BANP: variants seen among roughly 807,000 people sequenced by gnomAD.
The protein encoded by BANP is BTG3 associated nuclear protein.
A neutral mutation model predicts 68.1 loss-of-function variants in BANP; 11 were observed. The observed-to-expected ratio is 0.16, with a 90% CI of 0.10 to 0.27. The LOEUF (loss-of-function observed/expected upper bound fraction) is 0.27. Ranked by LOEUF, BANP falls within the 10% of genes least tolerant of loss-of-function variation. The pLI, the probability that BANP is intolerant of heterozygous loss-of-function variation, is 1.00. For missense variants in BANP, 504 were observed against 722.7 expected, an observed-to-expected ratio of 0.70 and a Z score of 3.47; for synonymous variants, 329 against 303.2, an observed-to-expected ratio of 1.09 and a Z score of -0.88.
At chr16:87,969,075 C>T (rs1307232141) in intron 1 of BANP, among the ~76,000 whole-genome samples, 1 of 152,216 alleles carries the variant, frequency 6.6e-6, no homozygotes, top group Non-Finnish European at 1.5e-5. Flanking sequence ...CTCGTCCACA[C>T]TGCCCTGCCC....
chr16:87,996,639 C>T (rs2067312611), intron 4 of BANP, among the ~76,000 whole-genome samples: 1 of 146,894 alleles, frequency 6.8e-6, no homozygotes, highest in South Asian at 2.2e-4. Context: ...GGCCCTCGTC[C>T]TGGGCGCCAG....
chr16:88,061,691 T>C (rs1214564884), intron 11 of BANP, among the ~76,000 whole-genome samples: 2 of 150,324 alleles, frequency 1.3e-5, no homozygotes, highest in Non-Finnish European at 3.0e-5. Flanking sequence ...TGAGACGGAG[T>C]TTTTGCTTTT....
intron 4 of BANP, among the ~76,000 whole-genome samples, chr16:87,987,884 G>C (rs1185023235): frequency 6.6e-6 from 1 of 151,782 alleles, no homozygotes; most frequent in Non-Finnish European, 1.5e-5. Flanking sequence ...TCCCACCTCA[G>C]CCTCCCGAGT....
chr16:87,954,739 G>C (rs2057709439), intron 1 of BANP, among the ~76,000 whole-genome samples: 1 of 152,250 alleles, frequency 6.6e-6, no homozygotes, highest in Non-Finnish European at 1.5e-5. Context: ...CCTCTGCCCT[G>C]ATCGGGTCCT....
In BANP at chr16:88,057,273, G is replaced by A. The variant is rs561952518; in HGVS notation, c.1312-7994G>A. ...GCTCACCCAGCGCGCCTGTTGCTTT[G>A]GGTGCCTCTGTGGGGAGCAGCTAAT... On this transcript the variant is annotated intron_variant, in intron 11 of 13. Transcript: ENST00000682872. The surrounding 1 kb of genome is among the most constrained non-coding windows in gnomAD (Gnocchi z 4.6). 9.2e-4 allele frequency among the ~76,000 whole-genome samples: 140 copies of A among 152,310 alleles called. 1 individual carries two copies. The highest frequency in any genetic ancestry group is 3.4e-3 in the Middle Eastern group (1 of 294).
chr16:87,951,353 G>C (rs1432858967), upstream of BANP: 2 of 151,862 alleles, frequency 1.3e-5, no homozygotes, highest in Non-Finnish European at 2.9e-5. Context: ...GGGGTGCCCC[G>C]CCCCCGGGCC....
intron 12 of BANP, among the ~76,000 whole-genome samples, chr16:88,066,531 A>T (rs1052973302): frequency 6.6e-6 from 1 of 152,220 alleles, no homozygotes; most frequent in Non-Finnish European, 1.5e-5. Context: ...CCCAAAAACA[A>T]GTGCCTCCTG....
At chr16:87,989,514 C>G (rs2065325033) in intron 4 of BANP, among the ~76,000 whole-genome samples, 1 of 152,242 alleles carries the variant, frequency 6.6e-6, no homozygotes, top group African/African-American at 2.4e-5. Context: ...CAGGATGCAG[C>G]AGAGCATGGA....
Position 87,963,126 on chromosome 16 carries a change from G to A in BANP, c.-69+11611G>A, listed in dbSNP as rs1212309664. Reference sequence around the variant, plus strand: ...CTCTTTGGACTTGCCATTCCAGCTCGGGTGGCCTGGGAGTCTCCACACAGA... The same window carrying A: ...CTCTTTGGACTTGCCATTCCAGCTCAGGTGGCCTGGGAGTCTCCACACAGA... On this transcript the variant is annotated intron_variant, in intron 1 of 13. Coordinates refer to ENST00000682872, the MANE Select transcript of BANP (RefSeq NM_001386991.1). 2.0e-5 allele frequency among the ~76,000 whole-genome samples: 3 copies of A among 152,078 alleles called. No individual in the cohort carries two copies. The South Asian group carries it at 6.2e-4, about 32-fold the overall frequency.
At chr16:88,037,762 G>C in intron 10 of BANP, 1 of 598,540 alleles carries the variant, frequency 1.7e-6, no homozygotes, top group Non-Finnish European at 3.0e-6. Flanking sequence ...TTTTTGAGTT[G>C]TTTGTTCATC....
chr16:87,963,637 A>G (rs1404740851), intron 1 of BANP, among the ~76,000 whole-genome samples: 1 of 152,226 alleles, frequency 6.6e-6, no homozygotes, highest in Non-Finnish European at 1.5e-5. Flanking sequence ...TCTATGAAGA[A>G]TGTCTGCCCT....
chr16:88,015,628 C>T (rs2074363855), intron 6 of BANP, among the ~76,000 whole-genome samples: 1 of 152,262 alleles, frequency 6.6e-6, no homozygotes, highest in African/African-American at 2.4e-5. Context: ...CGTCTGAGGT[C>T]AGCTCTACCC....
intron 7 of BANP, among the ~76,000 whole-genome samples, chr16:88,026,511 G>C (rs1179826503): frequency 6.6e-6 from 1 of 152,208 alleles, no homozygotes; most frequent in Admixed American, 6.5e-5. Context: ...GTTTATGAGG[G>C]GGACAGAGTA....
At chr16:88,052,290 T>C (rs1012841932) in intron 11 of BANP, among the ~76,000 whole-genome samples, 73 of 152,312 alleles carry the variant, frequency 4.8e-4, no homozygotes, top group Non-Finnish European at 8.7e-4. Context: ...TGTGGCAAGC[T>C]AGCGCTCTGC....
At chr16:88,009,484 GT>G (rs2072352178) in intron 6 of BANP, among the ~76,000 whole-genome samples, 1 of 152,218 alleles carries the variant, frequency 6.6e-6, no homozygotes, top group South Asian at 2.1e-4. Flanking sequence ...CAAATTTGGA[GT>G]CAGTTTATTG....
At position 88,064,737 on chromosome 16, in the gene BANP, T is replaced by G. The variant is rs57681331; in HGVS notation, c.1312-530T>G. Reference sequence around the variant, plus strand: ...CTGGCAGTGCCAGATGGGAGCCTGGTGCCTTCATGCGGTTGGGGGTGCTGC... The same window carrying G: ...CTGGCAGTGCCAGATGGGAGCCTGGGGCCTTCATGCGGTTGGGGGTGCTGC... On this transcript the variant is annotated intron_variant, in intron 11 of 13. Transcript: ENST00000682872. This position sits in a 1 kb window ranked among gnomAD's most constrained non-coding sequence, Gnocchi z 4.5. 0.01 allele frequency among the ~76,000 whole-genome samples: 1,528 copies of G among 152,324 alleles called. 29 individuals carry two copies. Among genetic ancestry groups the G allele is most frequent in the African/African-American group, 0.034 (1,420 of 41,588 alleles).
At chr16:88,007,327 G>A (rs2071520325) in intron 6 of BANP, among the ~76,000 whole-genome samples, 1 of 152,166 alleles carries the variant, frequency 6.6e-6, no homozygotes, top group Non-Finnish European at 1.5e-5. Context: ...GGGTTCCATG[G>A]CACAGGATGC....
intron 7 of BANP, among the ~76,000 whole-genome samples, chr16:88,020,572 G>C (rs2075828328): frequency 6.6e-6 from 1 of 152,268 alleles, no homozygotes; most frequent in African/African-American, 2.4e-5. Flanking sequence ...TCGCAGGAGT[G>C]TCAGGCTGGG....
At chr16:87,975,735 C>T (rs1228783708) in intron 2 of BANP, among the ~76,000 whole-genome samples, 1 of 148,582 alleles carries the variant, frequency 6.7e-6, no homozygotes, top group Non-Finnish European at 1.5e-5. Flanking sequence ...GGAACCTTCC[C>T]ATGTTGTGTG....
Sources: gnomAD v4.1 joint callset for allele counts (sites outside exome capture counted in the v4.1 genomes callset) on GRCh38, gnomAD v4.1.1 for gene constraint, Gnocchi (gnomAD v3.1) non-coding constraint, MANE v1.5 for transcripts, NCBI Gene and HGNC (gene_info 2026-07-23, HGNC 2026-07-21) for gene names.